The following ABLIM1 variants were observed in gnomAD, a reference collection of about 807,000 sequenced individuals.
The protein encoded by ABLIM1 is actin binding LIM protein 1.
In ABLIM1, 40 loss-of-function variants were observed where a neutral mutation model predicts 107.0. The ratio of observed to expected loss-of-function variants is 0.37; its 90% CI spans 0.29 to 0.49. The LOEUF (loss-of-function observed/expected upper bound fraction) is 0.49, where lower values mean the gene tolerates loss of function less well. Ranked by LOEUF, ABLIM1 falls within the 20% of genes least tolerant of loss-of-function variation. The probability of loss-of-function intolerance (pLI) is 0.97; values close to 1 mark genes in which losing one functional copy is unlikely to be tolerated. For synonymous variants in ABLIM1, 357 were observed against 357.3 expected (o/e 1.00, Z 0.01); for missense variants, 857 against 1,008.5 (o/e 0.85, Z 2.04).
chr10:114,705,877 G>T (rs915696197), intron 1 of ABLIM1, among the ~76,000 whole-genome samples: 1 of 152,210 alleles, frequency 6.6e-6, no homozygotes, highest in Non-Finnish European at 1.5e-5. Context: ...ACAGAGTAGC[G>T]AAGTGGGAGT....
At chr10:114,673,606 C>T (rs1432577397) in intron 1 of ABLIM1, among the ~76,000 whole-genome samples, 1 of 152,212 alleles carries the variant, frequency 6.6e-6, no homozygotes, top group Non-Finnish European at 1.5e-5. Flanking sequence ...TCAGCCAGGC[C>T]TCCGCTTCAG....
At chr10:114,497,217 G>A (rs2059780738) in intron 6 of ABLIM1, among the ~76,000 whole-genome samples, 1 of 152,334 alleles carries the variant, frequency 6.6e-6, no homozygotes, top group Admixed American at 6.5e-5. Flanking sequence ...CTTTGTTGTG[G>A]CAGACAACGG....
At chr10:114,574,488 G>A (rs2072193148) in intron 3 of ABLIM1, among the ~76,000 whole-genome samples, 1 of 151,140 alleles carries the variant, frequency 6.6e-6, no homozygotes, top group Non-Finnish European at 1.5e-5. Context: ...CACCCAGATT[G>A]GAGTGCAGTG....
At chr10:114,681,253 T>C (rs913558589) in intron 1 of ABLIM1, among the ~76,000 whole-genome samples, 2 of 152,246 alleles carry the variant, frequency 1.3e-5, no homozygotes, top group African/African-American at 4.8e-5. Flanking sequence ...TTGAGTGCAG[T>C]GGCACGATCT....
At chr10:114,583,448 CACACACACACACACACACACAT>C (rs2073732918) in intron 2 of ABLIM1, among the ~76,000 whole-genome samples, 3 of 75,706 alleles carry the variant, frequency 4.0e-5, no homozygotes, top group African/African-American at 2.2e-4. Flanking sequence ...CACACACACA[CACACACACACACACACACACAT>C]ATATATATAT....
At chr10:114,788,191 G>T in the ABLIM1 span, among the ~76,000 whole-genome samples, 2 of 150,812 alleles carry the variant, frequency 1.3e-5, no homozygotes, top group East Asian at 1.9e-4. Context: ...CACAAACACT[G>T]CGGAAGGCTG....
chr10:114,542,504 AAG>A (rs2066811813), intron 6 of ABLIM1, among the ~76,000 whole-genome samples: 2 of 151,678 alleles, frequency 1.3e-5, no homozygotes, highest in African/African-American at 4.8e-5. Flanking sequence ...AGAAGGAAGA[AAG>A]AAGAAATTAG....
intron 4 of ABLIM1, among the ~76,000 whole-genome samples, chr10:114,551,691 G>A (rs559002004): frequency 6.6e-6 from 1 of 152,320 alleles, no homozygotes; most frequent in East Asian, 1.9e-4. Flanking sequence ...ATTCGCCTTA[G>A]GCTCCCAGTC....
At chr10:114,630,300 T>C (rs1176074985) in intron 1 of ABLIM1, among the ~76,000 whole-genome samples, 2 of 152,170 alleles carry the variant, frequency 1.3e-5, no homozygotes, top group East Asian at 1.9e-4. Context: ...AGGAGTGCCA[T>C]GTCATAGTTG....
At chr10:114,503,269 G>A (rs984275110) in intron 6 of ABLIM1, among the ~76,000 whole-genome samples, 3 of 151,986 alleles carry the variant, frequency 2.0e-5, no homozygotes, top group Non-Finnish European at 4.4e-5. Context: ...TGGGTAACAC[G>A]GTAAAACCCC....
chr10:114,522,442 G>A (rs35841256), intron 6 of ABLIM1, among the ~76,000 whole-genome samples: 3,489 of 152,170 alleles, frequency 0.023, 51 homozygotes, highest in Non-Finnish European at 0.034. Context: ...CTCTGTTAGA[G>A]GATGTTCTAA....
Position 114,574,444 on chromosome 10 carries a change from A to T in ABLIM1, c.563+972T>A, listed in dbSNP as rs974489111. On this transcript the variant is annotated intron_variant, in intron 3 of 22. Coordinates refer to ENST00000533213, the MANE Select transcript of ABLIM1 (RefSeq NM_002313.7). ...GACTGATCATTTTATTATTTATTTT[A>T]TTTTATTTTTTTTGAGATGGAGTCT... Among the ~76,000 whole-genome samples the T allele has an allele frequency of 8.8e-4, 132 of 150,430 alleles. 1 individual carries two copies. The highest frequency in any genetic ancestry group is 3.2e-3 in the African/African-American group (128 of 40,274).
At chr10:114,467,261 TA>T (rs2065373935) in intron 11 of ABLIM1, among the ~76,000 whole-genome samples, 1 of 152,186 alleles carries the variant, frequency 6.6e-6, no homozygotes, top group Non-Finnish European at 1.5e-5. Flanking sequence ...AGGTAATAAG[TA>T]CAAAAAACCA....
intron 12 of ABLIM1, among the ~76,000 whole-genome samples, chr10:114,460,426 C>A (rs939972818): frequency 2.2e-4 from 34 of 152,164 alleles, no homozygotes; most frequent in African/African-American, 7.5e-4. Context: ...CATGGTGAAA[C>A]CCCGTCTCTA....
At chr10:114,691,246 C>T (rs1264358560) in intron 1 of ABLIM1, among the ~76,000 whole-genome samples, 1 of 152,176 alleles carries the variant, frequency 6.6e-6, no homozygotes, top group Non-Finnish European at 1.5e-5. Flanking sequence ...AACATTCTCA[C>T]AGCTTCTTCT....
chr10:114,633,772 T>C (rs1471919750), intron 1 of ABLIM1, among the ~76,000 whole-genome samples: 1 of 152,194 alleles, frequency 6.6e-6, no homozygotes, highest in Non-Finnish European at 1.5e-5. Context: ...ACTTGTCTAC[T>C]TTCCCACTCC....
intron 6 of ABLIM1, among the ~76,000 whole-genome samples, chr10:114,542,780 T>C (rs1205703144): frequency 6.6e-6 from 1 of 152,118 alleles, no homozygotes; most frequent in Admixed American, 6.5e-5. Context: ...GGATGAGGGA[T>C]GGACTCAGGG....
intron 6 of ABLIM1, among the ~76,000 whole-genome samples, chr10:114,532,125 C>A (rs1398892918): frequency 6.6e-6 from 1 of 152,184 alleles, no homozygotes; most frequent in African/African-American, 2.4e-5. Context: ...TGTATCAGTT[C>A]TTTCTGCTAA....
intron 1 of ABLIM1, among the ~76,000 whole-genome samples, chr10:114,752,498 G>A (rs1433403217): frequency 6.6e-6 from 1 of 152,148 alleles, no homozygotes; most frequent in African/African-American, 2.4e-5. Flanking sequence ...ATAGGTAAAC[G>A]TGCTCCACAG....
Sources: gnomAD v4.1 joint callset for allele counts (sites outside exome capture counted in the v4.1 genomes callset) on GRCh38, gnomAD v4.1.1 for gene constraint, MANE v1.5 for transcripts, NCBI Gene and HGNC (gene_info 2026-07-23, HGNC 2026-07-21) for gene names.